The following TAFA1 variants were observed in gnomAD, a reference collection of about 807,000 sequenced individuals.
TAFA1 encodes the protein TAFA chemokine like family member 1.
Under a neutral mutation model 18.5 loss-of-function variants are expected in TAFA1, and 4 were observed. The ratio of observed to expected loss-of-function variants is 0.22; its 90% confidence interval spans 0.11 to 0.49. The LOEUF is 0.49. Ranked by LOEUF, TAFA1 falls within the 20% of genes least tolerant of loss-of-function variation. The pLI is 0.98. For missense variants in TAFA1, 147 were observed against 169.0 expected (o/e 0.87, Z 0.72); for synonymous variants, 56 against 55.2 (o/e 1.01, Z -0.06).
At chr3:68,305,974 T>C (rs1486356850) in intron 2 of TAFA1, among the ~76,000 whole-genome samples, 1 of 152,182 alleles carries the variant, frequency 6.6e-6, no homozygotes, top group Non-Finnish European at 1.5e-5. Context: ...GGCATAGATT[T>C]AAAATGTTTG....
intron 3 of TAFA1, among the ~76,000 whole-genome samples, chr3:68,461,111 G>T (rs991071746): frequency 1.3e-5 from 2 of 151,664 alleles, no homozygotes; most frequent in Non-Finnish European, 2.9e-5. Context: ...GTTAAACCTC[G>T]ACTCTAATGA....
At chr3:68,101,700 G>A (rs1288644206) in intron 2 of TAFA1, among the ~76,000 whole-genome samples, 1 of 152,168 alleles carries the variant, frequency 6.6e-6, no homozygotes, top group African/African-American at 2.4e-5. Context: ...AAATGCAATG[G>A]AGAACTGAGA....
intron 2 of TAFA1, among the ~76,000 whole-genome samples, chr3:68,286,372 G>T (rs1462293573): frequency 6.6e-6 from 1 of 152,130 alleles, no homozygotes; most frequent in African/African-American, 2.4e-5. Context: ...TGAGACAGGA[G>T]CTCCTCACTG....
intron 2 of TAFA1, among the ~76,000 whole-genome samples, chr3:68,322,913 A>G (rs990252138): frequency 2.0e-5 from 3 of 152,190 alleles, no homozygotes; most frequent in African/African-American, 7.2e-5. Context: ...ACTGCACTCC[A>G]GCCTGGGGGA....
chr3:68,161,628 A>T (rs1249029189), intron 2 of TAFA1, among the ~76,000 whole-genome samples: 2 of 152,218 alleles, frequency 1.3e-5, no homozygotes, highest in African/African-American at 4.8e-5. Flanking sequence ...GGATAGTAGG[A>T]TGGAAATAAA....
At chr3:68,504,575 G>C (rs2072715857) in intron 3 of TAFA1, among the ~76,000 whole-genome samples, 1 of 152,104 alleles carries the variant, frequency 6.6e-6, no homozygotes. Flanking sequence ...AGCTATCCCT[G>C]TCATGTCACT....
At chr3:68,539,674 T>TGG (rs1436188949) in intron 4 of TAFA1, among the ~76,000 whole-genome samples, 1 of 3,782 alleles carries the variant, frequency 2.6e-4, no homozygotes, top group Non-Finnish European at 8.2e-4. Flanking sequence ...TCTGTGTGTG[T>TGG]GTGTGGGGGG....
chr3:68,376,128 G>A (rs1331881218), intron 2 of TAFA1, among the ~76,000 whole-genome samples: 1 of 152,056 alleles, frequency 6.6e-6, no homozygotes, highest in Non-Finnish European at 1.5e-5. Flanking sequence ...TGAGCTCCAG[G>A]TCCTCAATGT....
chr3:68,199,808 TCTTC>T (rs1440232307), intron 2 of TAFA1, among the ~76,000 whole-genome samples: 1 of 151,510 alleles, frequency 6.6e-6, no homozygotes, highest in African/African-American at 2.4e-5. Flanking sequence ...GAGTTTTATT[TCTTC>T]CTTCTCAATC....
intron 2 of TAFA1, among the ~76,000 whole-genome samples, chr3:68,117,641 G>T (rs2065339664): frequency 6.6e-6 from 1 of 152,172 alleles, no homozygotes; most frequent in South Asian, 2.1e-4. Context: ...AAAAATCTGG[G>T]TTAGGTGATG....
chr3:68,516,976 G>A (rs576289086), intron 3 of TAFA1, among the ~76,000 whole-genome samples: 15 of 152,134 alleles, frequency 9.9e-5, no homozygotes, highest in African/African-American at 3.1e-4. Flanking sequence ...GCTTCACCAC[G>A]CTGGCCAGAC....
chr3:68,417,429 C>G lies in TAFA1; in HGVS notation c.259+9C>G. On this transcript the variant is annotated intron_variant, in intron 3 of 4. Transcript: ENST00000478136. The stretch of plus-strand genomic sequence containing the variant: ...GCCTTCTTGCGTCGATGGTAGGTAC[C>G]TGGTTTTACCTCTTGAAAAGCTCAC... 1 of 1,613,110 alleles carries G rather than the reference C, an allele frequency of 6.2e-7. No homozygotes were observed. Among genetic ancestry groups the G allele is most frequent in the Non-Finnish European group, 8.5e-7 (1 of 1,179,444 alleles).
At chr3:68,095,312 TA>T (rs1221759231) in intron 2 of TAFA1, among the ~76,000 whole-genome samples, 1 of 152,174 alleles carries the variant, frequency 6.6e-6, no homozygotes, top group East Asian at 1.9e-4. Flanking sequence ...GGTGTCATTT[TA>T]AAAAACAGTT....
At chr3:68,353,964 G>A (rs1477705524) in intron 2 of TAFA1, among the ~76,000 whole-genome samples, 2 of 151,920 alleles carry the variant, frequency 1.3e-5, no homozygotes, top group South Asian at 2.1e-4. Context: ...CTGGGCCTCC[G>A]CTTTCCCACC....
At chr3:68,281,966 C>T (rs1378484924) in intron 2 of TAFA1, among the ~76,000 whole-genome samples, 1 of 152,118 alleles carries the variant, frequency 6.6e-6, no homozygotes, top group African/African-American at 2.4e-5. Flanking sequence ...GTTTAATTGA[C>T]CCATAGTTCA....
At chr3:68,428,579 C>T (rs534868241) in intron 3 of TAFA1, among the ~76,000 whole-genome samples, 219 of 151,992 alleles carry the variant, frequency 1.4e-3, no homozygotes, top group Admixed American at 2.9e-3. Context: ...GGTTTGAGAT[C>T]ACCAACTGAC....
chr3:68,126,753 A>G (rs528383698), intron 2 of TAFA1, among the ~76,000 whole-genome samples: 38 of 152,328 alleles, frequency 2.5e-4, no homozygotes, highest in African/African-American at 8.9e-4. Flanking sequence ...ACATCATGTT[A>G]TGTGGACATT....
intron 2 of TAFA1, among the ~76,000 whole-genome samples, chr3:68,009,054 G>A (rs1704420648): frequency 1.3e-5 from 2 of 152,192 alleles, no homozygotes; most frequent in East Asian, 1.9e-4. Flanking sequence ...CCACAAGCCA[G>A]GGATGTTTGA....
At chr3:68,327,873 A>G (rs1220703584) in intron 2 of TAFA1, among the ~76,000 whole-genome samples, 1 of 152,228 alleles carries the variant, frequency 6.6e-6, no homozygotes, top group Non-Finnish European at 1.5e-5. Context: ...AATGAAAAAG[A>G]TATGGACCCA....
Sources: allele counts gnomAD v4.1 joint callset (sites outside exome capture counted in the v4.1 genomes callset), GRCh38; gene constraint gnomAD v4.1.1; transcripts MANE v1.5; gene names NCBI Gene and HGNC (gene_info 2026-07-23, HGNC 2026-07-21).